FCHSD2: variants seen among roughly 807,000 people sequenced by gnomAD.
FCHSD2 encodes the protein F-BAR and double SH3 domains protein 2.
In FCHSD2, 38 loss-of-function variants were observed where a neutral mutation model predicts 108.1. The ratio of observed to expected loss-of-function variants is 0.35; its 90% CI spans 0.27 to 0.46. The LOEUF (loss-of-function observed/expected upper bound fraction) is 0.46. Ranked by LOEUF, FCHSD2 falls within the 20% of genes least tolerant of loss-of-function variation. The pLI is 1.00. For missense variants in FCHSD2, 751 were observed against 897.8 expected (o/e 0.84, Z 2.09); for synonymous variants, 279 against 314.7 (o/e 0.89, Z 1.20).
At position 72,893,679 on chromosome 11, in the gene FCHSD2, C is replaced by T. The variant is rs558572300; in HGVS notation, c.925-3734G>A. Among the ~76,000 whole-genome samples, 3 of 150,560 alleles carry T rather than the reference C, an allele frequency of 2.0e-5. No homozygotes were observed. In the South Asian group the frequency reaches 6.4e-4, roughly 32 times the overall value. ...AAAAATTAGCTAGGCGTGGTGGCGCCGGAGGTTGCAGTGAGCCAAGATCGT... is the reference window on the plus strand; with the variant it reads ...AAAAATTAGCTAGGCGTGGTGGCGCTGGAGGTTGCAGTGAGCCAAGATCGT... On this transcript the variant is annotated intron_variant, in intron 10 of 19. Coordinates refer to ENST00000409418, the MANE Select transcript of FCHSD2 (RefSeq NM_014824.3).
chr11:73,001,210 G>A, intron 4 of FCHSD2, 76 bp from the exon 5 acceptor site: 2 of 1,245,200 alleles, frequency 1.6e-6, no homozygotes, highest in Admixed American at 2.0e-5. Flanking sequence ...TGCTCACAGG[G>A]CAGCACTGAC....
rs1282868560 is a variant in FCHSD2, at chr11:72,958,484, CT to C, written c.705+25603del. ...AGAGAGCTGAGATCGCACCACTGCA[CT>C]CCAGCTGGGCAATGGAGCAAGGCTC... On this transcript the variant is annotated intron_variant, in intron 8 of 19. Transcript: ENST00000409418. Among the ~76,000 whole-genome samples, 5 of 152,302 alleles carry C rather than the reference CT, an allele frequency of 3.3e-5. No homozygotes were observed. The East Asian group carries it at 9.6e-4, about 29-fold the overall frequency.
In FCHSD2 at chr11:72,866,905, T is replaced by TTA. The variant is rs544497767; in HGVS notation, c.1308+958_1308+959dup. On this transcript the variant is annotated intron_variant, in intron 13 of 19. Coordinates refer to ENST00000409418, the MANE Select transcript of FCHSD2 (RefSeq NM_014824.3). ...ATGAAGACAGTGGGAAGTTGGGAGG[T>TTA]TAGAGTTTTAGCTTTTAGTTTGCCA... Among the ~76,000 whole-genome samples the TTA allele has an allele frequency of 8.0e-4, 122 of 152,064 alleles. 1 individual carries two copies. The highest frequency in any genetic ancestry group is 6.0e-3 in the South Asian group (29 of 4,808).
rs879814044 is a variant in FCHSD2 at position 72,958,991 on chromosome 11, A to ATGTGTG, written c.705+25096_705+25097insCACACA. On this transcript the variant is annotated intron_variant, in intron 8 of 19. Coordinates refer to ENST00000409418, the MANE Select transcript of FCHSD2 (RefSeq NM_014824.3). The stretch of plus-strand genomic sequence containing the variant: ...GATATTACATATACTCATCAGTAAG[A>ATGTGTG]TATGTGTGTGTGTGTGTGTGTGTGT... 1.7e-4 allele frequency among the ~76,000 whole-genome samples: 7 copies of ATGTGTG among 41,660 alleles called. No individual in the cohort carries two copies. The Admixed American group carries it at 1.9e-3, about 11-fold the overall frequency. The allele number at this position is 41,660 out of a possible 152,430, so 27.3% of individuals were successfully genotyped here.
chr11:72,870,777 G>A (rs1009388962), intron 12 of FCHSD2, among the ~76,000 whole-genome samples: 1 of 151,476 alleles, frequency 6.6e-6, no homozygotes, highest in African/African-American at 2.4e-5. Flanking sequence ...GCGGGTGCCT[G>A]TAGTCCCAGC....
intron 17 of FCHSD2, among the ~76,000 whole-genome samples, chr11:72,841,875 G>T (rs1346593991): frequency 1.3e-5 from 2 of 152,128 alleles, no homozygotes; most frequent in Non-Finnish European, 2.9e-5. Context: ...TACCAAATTA[G>T]TCAATTCAGT....
intron 2 of FCHSD2, among the ~76,000 whole-genome samples, chr11:73,109,254 G>T (rs1176686422): frequency 2.0e-5 from 3 of 152,236 alleles, no homozygotes; most frequent in African/African-American, 4.8e-5. Context: ...TTCTATTTCT[G>T]TGAAGAATGT....
Position 72,838,833 on chromosome 11 carries a change from C to T in FCHSD2, c.2181G>A (p.Arg727=). The change falls in exon 20 of 20, where the codon AGG becomes AGA. Residue 727 remains arginine (R), a synonymous_variant. Coordinates refer to ENST00000409418, the MANE Select transcript of FCHSD2 (RefSeq NM_014824.3). ...CCACATCTTCAATCTTCTCTGCTGG[C>T]CTTCGGTGATTCTGTGTAGGTGGAG... ...APPPPTQNHR[R]PAEKIEDVEI... The T allele has an allele frequency of 6.2e-7, 1 of 1,608,398 alleles. No individual in the cohort carries two copies. Among genetic ancestry groups the T allele is most frequent in the Non-Finnish European group, 8.5e-7 (1 of 1,178,222 alleles).
intron 3 of FCHSD2, among the ~76,000 whole-genome samples, chr11:73,075,299 T>A (rs1258166630): frequency 6.6e-6 from 1 of 152,204 alleles, no homozygotes; most frequent in African/African-American, 2.4e-5. Context: ...ATTCCATTCC[T>A]TAGGTAAATA....
At position 72,855,119 on chromosome 11, in the gene FCHSD2, C is replaced by T. The variant is rs535232139; in HGVS notation, c.1309-5230G>A. 9.2e-5 allele frequency among the ~76,000 whole-genome samples: 14 copies of T among 152,250 alleles called. No individual in the cohort carries two copies. In the East Asian group the frequency reaches 2.7e-3, roughly 29 times the overall value. The stretch of plus-strand genomic sequence containing the variant: ...AGAAACCCTGTCTCTACTAAAAATA[C>T]AAAATTAGCCGGGTGTGGTGGCGCA... On this transcript the variant is annotated intron_variant, in intron 13 of 19. Transcript: ENST00000409418.
rs554098740 is a variant in FCHSD2 at position 73,043,688 on chromosome 11, A to G, written c.166-27803T>C. ...AAGAAATTTTCCAGCCTCCTTTAAA[A>G]TTAGATGTGACTATGTGACTGAGTT... On this transcript the variant is annotated intron_variant, in intron 3 of 19. Transcript: ENST00000409418. Among the ~76,000 whole-genome samples, 51 of 152,200 alleles carry G rather than the reference A, an allele frequency of 3.4e-4. 1 individual carries two copies. Among genetic ancestry groups the G allele is most frequent in the African/African-American group, 1.1e-3 (45 of 41,440 alleles).
rs564633049 is a variant in FCHSD2, at chr11:73,131,850, C to A, written c.119+8181G>T. ...TTCATTTATACTTATTAAAAGAGTT[C>A]TTTTAAACTTATTTAGTCAGAGTTT... On this transcript the variant is annotated intron_variant, in intron 2 of 19. Coordinates refer to ENST00000409418, the MANE Select transcript of FCHSD2 (RefSeq NM_014824.3). 4.6e-5 allele frequency among the ~76,000 whole-genome samples: 7 copies of A among 152,216 alleles called. No individual in the cohort carries two copies. In the South Asian group the frequency reaches 1.5e-3, roughly 32 times the overall value.
At chr11:73,065,335 T>C (rs2135492412) in intron 3 of FCHSD2, among the ~76,000 whole-genome samples, 1 of 152,320 alleles carries the variant, frequency 6.6e-6, no homozygotes, top group East Asian at 1.9e-4. Flanking sequence ...CTCAATAAAC[T>C]GGGTATCAAT....
intron 8 of FCHSD2, among the ~76,000 whole-genome samples, chr11:72,934,959 C>G (rs551815589): frequency 6.6e-6 from 1 of 152,160 alleles, no homozygotes; most frequent in Non-Finnish European, 1.5e-5. Context: ...TAAGCAGCCA[C>G]GTCCTTTCCA....
intron 8 of FCHSD2, among the ~76,000 whole-genome samples, chr11:72,969,855 T>G (rs527638917): frequency 5.3e-5 from 8 of 152,228 alleles, no homozygotes; most frequent in Non-Finnish European, 1.2e-4. Flanking sequence ...TTGGTTATGC[T>G]AGGTACAACA....
intron 12 of FCHSD2, among the ~76,000 whole-genome samples, chr11:72,884,137 T>G (rs1225196978): frequency 1.3e-5 from 2 of 152,094 alleles, no homozygotes; most frequent in Non-Finnish European, 2.9e-5. Context: ...ATATTATGAT[T>G]CTTTATGTGA....
chr11:72,937,376 A>G (rs933536777), intron 8 of FCHSD2, among the ~76,000 whole-genome samples: 17 of 152,246 alleles, frequency 1.1e-4, no homozygotes, highest in African/African-American at 3.9e-4. Context: ...TTTTGACATC[A>G]AAGTATTGAA....
intron 10 of FCHSD2, among the ~76,000 whole-genome samples, chr11:72,891,045 T>G (rs1235380574): frequency 6.6e-6 from 1 of 152,104 alleles, no homozygotes. Context: ...GCCTCCTGAG[T>G]AGCTGGAACT....
chr11:73,005,015 TG>T (rs1230337690), intron 4 of FCHSD2, among the ~76,000 whole-genome samples: 1 of 152,214 alleles, frequency 6.6e-6, no homozygotes, highest in Admixed American at 6.5e-5. Context: ...ACGAACTACC[TG>T]TGCTCTGAAG....
Sources: allele counts gnomAD v4.1 joint callset (sites outside exome capture counted in the v4.1 genomes callset), GRCh38; gene constraint gnomAD v4.1.1; transcripts MANE v1.5; gene names NCBI Gene and HGNC (gene_info 2026-07-23, HGNC 2026-07-21).